Variants in DPYSL5 observed in about 807,000 individuals in gnomAD.
DPYSL5 encodes dihydropyrimidinase-related protein 5.
Under a neutral mutation model 58.4 loss-of-function variants are expected in DPYSL5, and 9 were observed. The observed-to-expected ratio is 0.15, with a 90% CI of 0.09 to 0.27. The LOEUF (loss-of-function observed/expected upper bound fraction) is 0.27. Ranked by LOEUF, DPYSL5 falls within the 10% of genes least tolerant of loss-of-function variation. DPYSL5 has a pLI of 1.00. For synonymous variants in DPYSL5, 293 were observed against 301.9 expected (o/e 0.97, Z 0.31); for missense variants, 499 against 770.6 (o/e 0.65, Z 4.17).
chr2:26,932,212 G>GAAAGAAAGAAAGAAAAGA (rs1665049548), intron 6 of DPYSL5, among the ~76,000 whole-genome samples: 1 of 58,468 alleles, frequency 1.7e-5, no homozygotes, highest in Non-Finnish European at 3.5e-5. Flanking sequence ...AGAAAGAAAA[G>GAAAGAAAGAAAGAAAAGA]AAAGAAAGAA....
chr2:26,857,429 A>G (rs1320897714), intron 1 of DPYSL5, among the ~76,000 whole-genome samples: 3 of 152,156 alleles, frequency 2.0e-5, no homozygotes, highest in African/African-American at 7.2e-5. Flanking sequence ...AGTTCCAGCT[A>G]CTTGGGAAGC....
intron 2 of DPYSL5, among the ~76,000 whole-genome samples, chr2:26,912,038 C>A (rs1002394650): frequency 6.6e-6 from 1 of 152,226 alleles, no homozygotes; most frequent in African/African-American, 2.4e-5. Context: ...TCTCACAGGA[C>A]CTGAGGTTAG....
chr2:26,867,613 G>A, intron 1 of DPYSL5, among the ~76,000 whole-genome samples: 1 of 151,562 alleles, frequency 6.6e-6, no homozygotes, highest in East Asian at 1.9e-4. Context: ...CCGCCACTAC[G>A]CCCGGCTAAT....
rs1312687743 is a variant in DPYSL5 at position 26,925,166 on chromosome 2, C to T, written c.420+121C>T. The T allele has an allele frequency of 2.3e-6, 3 of 1,278,360 alleles. No individual in the cohort carries two copies. The highest frequency in any genetic ancestry group is 2.1e-6 in the Non-Finnish European group (2 of 940,390). 79.2% of individuals were successfully genotyped at this position (1,278,360 alleles called of 1,614,324 possible). On this transcript the variant is annotated intron_variant, in intron 3 of 12. Coordinates refer to ENST00000288699, the MANE Select transcript of DPYSL5 (RefSeq NM_020134.4). This position sits in a 1 kb window ranked among gnomAD's most constrained non-coding sequence, Gnocchi z 4.5. ...CCCTCCCACTACCATCCTAGCTCCC[C>T]ACAATGCCAAAAGAAAACACACTTG...
chr2:26,848,613 A>T (rs1419225564), intron 1 of DPYSL5: 1 of 152,638 alleles, frequency 6.6e-6, no homozygotes. Flanking sequence ...GGCGCGGTGC[A>T]GTGGACCGCT....
In DPYSL5 at chr2:26,925,407, A is replaced by AG. The variant is rs1664804561; in HGVS notation, c.420+365dup. ...AGGCCTGAGCAGGGCTCAGGTGCAG[A>AG]GGGTCATATCCCATATCCTATGTGT... is the stretch of plus-strand genomic sequence containing the variant. On this transcript the variant is annotated intron_variant, in intron 3 of 12. Transcript: ENST00000288699. This position sits in a 1 kb window ranked among gnomAD's most constrained non-coding sequence, Gnocchi z 4.5. 6.6e-6 allele frequency among the ~76,000 whole-genome samples: 1 copy of AG among 152,102 alleles called. No homozygotes were observed.
Position 26,905,153 on chromosome 2 carries a change from G to A in DPYSL5, c.261+6393G>A, listed in dbSNP as rs1367460281. On this transcript the variant is annotated intron_variant, in intron 2 of 12. Coordinates refer to ENST00000288699, the MANE Select transcript of DPYSL5 (RefSeq NM_020134.4). The surrounding 1 kb of genome is among the most constrained non-coding windows in gnomAD (Gnocchi z 4.0). ...GTGTCTCAGAATGGATTTGCATCAG[G>A]CAGGCAGCTGAGCGAGGTCTCTGCC... 2.6e-5 allele frequency among the ~76,000 whole-genome samples: 4 copies of A among 152,144 alleles called. No homozygotes were observed. The highest frequency in any genetic ancestry group is 5.9e-5 in the Non-Finnish European group (4 of 68,028).
chr2:26,942,479 C>T lies in DPYSL5; in HGVS notation c.1233-64C>T. On this transcript the variant is annotated intron_variant, in intron 10 of 12. Transcript: ENST00000288699. The surrounding 1 kb of genome is among the most constrained non-coding windows in gnomAD (Gnocchi z 5.9). ...ACCAGCCTTTGGGGCTCACCCCTCC[C>T]ATGGAGCTGTGACATTTTGACCTGT... is the stretch of plus-strand genomic sequence containing the variant. 6.6e-7 allele frequency: 1 copy of T among 1,519,730 alleles called. No individual in the cohort carries two copies. Among genetic ancestry groups the T allele is most frequent in the Non-Finnish European group, 9.0e-7 (1 of 1,115,216 alleles). The allele number at this position is 1,519,730 out of a possible 1,614,324, so 94.1% of individuals were successfully genotyped here. A position where few individuals can be genotyped will look rare whatever the true frequency, so the allele number is the denominator to read the frequency against.
intron 1 of DPYSL5, among the ~76,000 whole-genome samples, chr2:26,865,701 TAGAA>T (rs927349425): frequency 5.9e-5 from 9 of 152,128 alleles, no homozygotes; most frequent in African/African-American, 1.7e-4. Context: ...TGTGGCCCAT[TAGAA>T]AGACCTTATG....
chr2:26,861,920 CTT>C (rs1216994246), intron 1 of DPYSL5, among the ~76,000 whole-genome samples: 1 of 152,160 alleles, frequency 6.6e-6, no homozygotes, highest in East Asian at 1.9e-4. Context: ...TTTGGAGACT[CTT>C]TTTGCTTGAT....
At position 26,931,199 on chromosome 2, in the gene DPYSL5, G is replaced by GTATATA. The variant is rs1287075956; in HGVS notation, c.670-440_670-439insATATAT. On this transcript the variant is annotated intron_variant, in intron 5 of 12. Transcript: ENST00000288699. ...TGTGTGTGTGTGTGTGTGTGTGTGT[G>GTATATA]TGTGTATATATATATATATATATAT... 6.8e-3 allele frequency among the ~76,000 whole-genome samples: 359 copies of GTATATA among 52,786 alleles called. 2 individuals are homozygous for GTATATA. Among genetic ancestry groups the GTATATA allele is most frequent in the African/African-American group, 0.017 (284 of 16,446 alleles). The allele number at this position is 52,786 out of a possible 152,430, so 34.6% of individuals were successfully genotyped here. A position where few individuals can be genotyped will look rare whatever the true frequency, so the allele number is the denominator to read the frequency against.
chr2:26,930,810 TAAAAATACA>T (rs1664950626), intron 5 of DPYSL5, among the ~76,000 whole-genome samples: 1 of 151,686 alleles, frequency 6.6e-6, no homozygotes, highest in South Asian at 2.1e-4. Context: ...CTGTCTCTAC[TAAAAATACA>T]AAAAATTAGT....
intron 3 of DPYSL5, among the ~76,000 whole-genome samples, chr2:26,926,498 A>T (rs4665927): frequency 0.39 from 58,997 of 152,060 alleles, 11,884 homozygotes; most frequent in Admixed American, 0.54. Context: ...TAATAATCAA[A>T]TAAATGTTTC....
In DPYSL5 at chr2:26,927,690, T is replaced by G. The variant is rs1348440994; in HGVS notation, c.600+258T>G. ...TGATGATGTCTTAATTCTAATGATATGAGATTTAAATTCCATTATAGCAGA... is the reference window on the plus strand; with the variant it reads ...TGATGATGTCTTAATTCTAATGATAGGAGATTTAAATTCCATTATAGCAGA... On this transcript the variant is annotated intron_variant, in intron 4 of 12. Coordinates refer to ENST00000288699, the MANE Select transcript of DPYSL5 (RefSeq NM_020134.4). The surrounding 1 kb of genome is among the most constrained non-coding windows in gnomAD (Gnocchi z 4.3). Among the ~76,000 whole-genome samples the G allele has an allele frequency of 6.6e-6, 1 of 152,258 alleles. No individual in the cohort carries two copies. Among genetic ancestry groups the G allele is most frequent in the Non-Finnish European group, 1.5e-5 (1 of 68,046 alleles).
At chr2:26,940,209 G>A (rs1665280565) in intron 9 of DPYSL5, 37 bp downstream of exon 9, 2 of 1,607,000 alleles carry the variant, frequency 1.2e-6, no homozygotes, top group African/African-American at 1.3e-5. Flanking sequence ...TCTGATCCCT[G>A]CTCTAATCCC....
At chr2:26,941,170 C>T (rs1177067187) in intron 9 of DPYSL5, among the ~76,000 whole-genome samples, 2 of 151,854 alleles carry the variant, frequency 1.3e-5, no homozygotes, top group Non-Finnish European at 2.9e-5. Flanking sequence ...GATCTCTTGA[C>T]CTCGTGATCC....
intron 1 of DPYSL5, among the ~76,000 whole-genome samples, chr2:26,860,363 G>C (rs148475494): frequency 6.6e-6 from 1 of 152,334 alleles, no homozygotes; most frequent in East Asian, 1.9e-4. Context: ...CAAATGAGAA[G>C]ATGCAGACTG....
At chr2:26,854,757 ATTT>A (rs1274230688) in intron 1 of DPYSL5, among the ~76,000 whole-genome samples, 3 of 152,094 alleles carry the variant, frequency 2.0e-5, no homozygotes, top group South Asian at 2.1e-4. Context: ...ATTTTACAGG[ATTT>A]TCCAGCTACT....
At chr2:26,941,422 G>C (rs1665319330) in intron 9 of DPYSL5, among the ~76,000 whole-genome samples, 2 of 152,102 alleles carry the variant, frequency 1.3e-5, no homozygotes, top group Non-Finnish European at 2.9e-5. Flanking sequence ...AAGTATTTTT[G>C]GTCTTGATCT....
Sources: gnomAD v4.1 joint callset for allele counts (sites outside exome capture counted in the v4.1 genomes callset) on GRCh38, gnomAD v4.1.1 for gene constraint, Gnocchi (gnomAD v3.1) non-coding constraint, MANE v1.5 for transcripts, NCBI Gene and HGNC (gene_info 2026-07-23, HGNC 2026-07-21) for gene names.